Variants in SLC36A1 observed in about 807,000 individuals in gnomAD.
SLC36A1 encodes the protein proton-coupled amino acid transporter 1.
Under a neutral mutation model 47.5 loss-of-function variants are expected in SLC36A1, and 30 were observed. The ratio of observed to expected loss-of-function variants is 0.63; its 90% CI spans 0.47 to 0.86. The LOEUF (loss-of-function observed/expected upper bound fraction) is 0.86. Ranked by LOEUF, SLC36A1 falls within the 40% of genes least tolerant of loss-of-function variation. The pLI is 0.00. For missense variants in SLC36A1, 517 were observed against 606.0 expected, an observed-to-expected ratio of 0.85 and a Z score of 1.54; for synonymous variants, 255 against 249.7, an observed-to-expected ratio of 1.02 and a Z score of -0.20.
chr5:151,433,266 A>ATTT (rs869250950), upstream of SLC36A1, among the ~76,000 whole-genome samples: 6 of 9,402 alleles, frequency 6.4e-4, 2 homozygotes, highest in Non-Finnish European at 4.0e-4. Context: ...ATATATATAT[A>ATTT]TTTTTTTTTT....
chr5:151,532,531 A>G, the SLC36A1 span, among the ~76,000 whole-genome samples: 89 of 152,346 alleles, frequency 5.8e-4, no homozygotes, highest in African/African-American at 2.0e-3. Context: ...ACTGCTATGT[A>G]AGATGCTCCC....
the SLC36A1 span, among the ~76,000 whole-genome samples, chr5:151,413,951 C>A: frequency 2.0e-5 from 3 of 151,958 alleles, no homozygotes; most frequent in African/African-American, 7.3e-5. Flanking sequence ...TTGTGGCCTG[C>A]CTTAAGTGGC....
intron 10 of SLC36A1, among the ~76,000 whole-genome samples, chr5:151,487,309 G>A (rs951273103): frequency 1.6e-4 from 24 of 152,340 alleles, no homozygotes; most frequent in Admixed American, 1.2e-3. Flanking sequence ...CACCTCCTGC[G>A]GCAGTGCACC....
At chr5:151,507,307 C>G in the SLC36A1 span, 1 of 1,614,178 alleles carries the variant, frequency 6.2e-7, no homozygotes, top group Non-Finnish European at 8.5e-7. Context: ...GGAACAGAGG[C>G]CTTGCTGGGT....
chr5:151,517,412 C>T, the SLC36A1 span, among the ~76,000 whole-genome samples: 7 of 152,224 alleles, frequency 4.6e-5, no homozygotes, highest in African/African-American at 1.7e-4. Flanking sequence ...CACTTGTGAC[C>T]GTCCTTGGAC....
the SLC36A1 span, among the ~76,000 whole-genome samples, chr5:151,555,345 A>G: frequency 6.7e-6 from 1 of 150,228 alleles, no homozygotes; most frequent in Non-Finnish European, 1.5e-5. Context: ...CCATTTAGCT[A>G]CTTCTTACTA....
chr5:151,542,630 T>C, the SLC36A1 span: 2 of 1,614,180 alleles, frequency 1.2e-6, no homozygotes, highest in African/African-American at 1.3e-5. Flanking sequence ...AGCCTGTAGC[T>C]CACCTGGCCA....
intron 7 of SLC36A1, 60 bp downstream of exon 7, chr5:151,467,985 G>A: frequency 2.1e-6 from 3 of 1,444,090 alleles, no homozygotes; most frequent in Non-Finnish European, 2.9e-6. Flanking sequence ...GCCAGGCGTG[G>A]TAGCTCATGC....
chr5:151,480,283 C>CT (rs958778170), intron 10 of SLC36A1: 241 of 430,186 alleles, frequency 5.6e-4, no homozygotes, highest in Non-Finnish European at 1.9e-4. Context: ...CTCTATTTGG[C>CT]TTTTTTTTCT....
chr5:151,550,327 GGA>G, the SLC36A1 span, among the ~76,000 whole-genome samples: 1 of 152,264 alleles, frequency 6.6e-6, no homozygotes, highest in Admixed American at 6.5e-5. Flanking sequence ...CACTGAGCAG[GGA>G]GAGAGCTCTT....
the SLC36A1 span, chr5:151,527,339 ACTGT>A: frequency 1.2e-6 from 2 of 1,612,758 alleles, no homozygotes; most frequent in Non-Finnish European, 1.7e-6. Flanking sequence ...GAGGCTGCCC[ACTGT>A]CTGTGGCTCG....
the SLC36A1 span, chr5:151,549,443 A>G: frequency 1.2e-6 from 2 of 1,614,136 alleles, no homozygotes; most frequent in South Asian, 2.2e-5. Context: ...GGAGGTTTCC[A>G]TCCTCCACAT....
At chr5:151,468,380 A>G (rs1756882059) in intron 7 of SLC36A1, among the ~76,000 whole-genome samples, 1 of 143,464 alleles carries the variant, frequency 7.0e-6, no homozygotes, top group Non-Finnish European at 1.5e-5. Context: ...CATGTAATAT[A>G]TATTATGTAC....
intron 10 of SLC36A1, among the ~76,000 whole-genome samples, chr5:151,482,417 G>C (rs1165158392): frequency 6.6e-6 from 1 of 152,028 alleles, no homozygotes; most frequent in Non-Finnish European, 1.5e-5. Flanking sequence ...TTGATTTTAA[G>C]TTTCTACACA....
At chr5:151,373,029 C>G in the SLC36A1 span, among the ~76,000 whole-genome samples, 12 of 152,054 alleles carry the variant, frequency 7.9e-5, no homozygotes, top group South Asian at 2.3e-3. Context: ...CTGGGCGACA[C>G]AGTGAGACTC....
At chr5:151,521,211 T>C in the SLC36A1 span, 3 of 1,496,702 alleles carry the variant, frequency 2.0e-6, no homozygotes, top group Non-Finnish European at 2.7e-6. Flanking sequence ...GGAATCTCCA[T>C]GCTTAGAGTC....
the SLC36A1 span, chr5:151,517,534 G>A: frequency 6.6e-7 from 1 of 1,511,640 alleles, no homozygotes; most frequent in Non-Finnish European, 9.1e-7. Flanking sequence ...GGCAGAAATG[G>A]GCTTCCTGAC....
the SLC36A1 span, among the ~76,000 whole-genome samples, chr5:151,408,293 A>G: frequency 6.6e-6 from 1 of 152,086 alleles, no homozygotes; most frequent in Non-Finnish European, 1.5e-5. Flanking sequence ...GGTTCAAGTG[A>G]TTCTCCTGCC....
chr5:151,419,629 T>C, the SLC36A1 span, among the ~76,000 whole-genome samples: 1 of 152,232 alleles, frequency 6.6e-6, no homozygotes, highest in Non-Finnish European at 1.5e-5. Context: ...AATACAGATT[T>C]CTGGGTCCCA....
Sources: allele counts gnomAD v4.1 joint callset (sites outside exome capture counted in the v4.1 genomes callset), GRCh38; gene constraint gnomAD v4.1.1; transcripts MANE v1.5; gene names NCBI Gene and HGNC (gene_info 2026-07-23, HGNC 2026-07-21).